CRYBG3: variants seen among roughly 807,000 people sequenced by gnomAD.
The protein encoded by CRYBG3 is crystallin beta-gamma domain containing 3, also known as very large A-kinase anchor protein.
In CRYBG3, 127 loss-of-function variants were observed where a neutral mutation model predicts 244.2. That is an observed-to-expected ratio of 0.52 (90% CI 0.45 to 0.60). CRYBG3 has a LOEUF of 0.60. CRYBG3 is among the 20% of genes least tolerant of loss of function. The pLI, the probability that CRYBG3 is intolerant of heterozygous loss-of-function variation, is 0.00. For missense variants in CRYBG3, 3,325 were observed against 3,442.5 expected, an observed-to-expected ratio of 0.97 and a Z score of 0.85; for synonymous variants, 1,132 against 1,195.8, an observed-to-expected ratio of 0.95 and a Z score of 1.10.
intron 1 of CRYBG3, among the ~76,000 whole-genome samples, chr3:97,830,851 A>G (rs945134886): frequency 3.3e-5 from 5 of 152,184 alleles, no homozygotes; most frequent in Admixed American, 1.3e-4. Flanking sequence ...TGAGAGGCTT[A>G]TATCTTAACG....
At position 97,941,200 on chromosome 3, in the gene CRYBG3, T is replaced by C. The variant is rs2040225153; in HGVS notation, c.8558T>C (p.Val2853Ala). Residue 2853 changes from valine to alanine, a missense_variant, in exon 20 of 22, where the codon GTC becomes GCC. Val to Ala is a moderately conservative substitution (Grantham distance 64). Coordinates refer to ENST00000389622, the MANE Select transcript of CRYBG3 (RefSeq NM_153605.4). ...CGTGCCCAGGGTGAATATCTGACAG[T>C]CACTGGAAGTCTAGCAGACACCAGG... is the stretch of plus-strand genomic sequence containing the variant. ...KNRAQGEYLT[V>A]TGSLADTRAT... 1 of 1,611,742 alleles carries C rather than the reference T, an allele frequency of 6.2e-7. No individual in the cohort carries two copies. The highest frequency in any genetic ancestry group is 1.1e-5 in the South Asian group (1 of 90,950).
chr3:97,918,424 TA>T lies in CRYBG3; in HGVS notation c.8241+2690del, dbSNP rs1235151144. 2.0e-5 allele frequency among the ~76,000 whole-genome samples: 3 copies of T among 152,184 alleles called. No homozygotes were observed. In the East Asian group the frequency reaches 5.8e-4, roughly 29 times the overall value. ...GTTCTGCTTCTAACGAATATGACCT[TA>T]AGCAAATCTCTTAATTTATCTGTAT... On this transcript the variant is annotated intron_variant, in intron 17 of 21. Coordinates refer to ENST00000389622, the MANE Select transcript of CRYBG3 (RefSeq NM_153605.4).
At chr3:97,936,266 C>A (rs908558780) in intron 18 of CRYBG3, among the ~76,000 whole-genome samples, 31 of 152,088 alleles carry the variant, frequency 2.0e-4, no homozygotes, top group Non-Finnish European at 3.7e-4. Context: ...GGAGGATTCT[C>A]AAAGGAGCTG....
rs183352651 is a variant in CRYBG3 at position 97,869,636 on chromosome 3, A to G, written c.648-2206A>G. Among the ~76,000 whole-genome samples, 9 of 152,304 alleles carry G rather than the reference A, an allele frequency of 5.9e-5. 1 individual carries two copies. The highest frequency in any genetic ancestry group is 2.2e-4 in the African/African-American group (9 of 41,582). ...ATGTCAAATAATGGTATCTTATCCA[A>G]GTTTTGACTTTGTTTCATAACAGTC... is the stretch of plus-strand genomic sequence containing the variant. On this transcript the variant is annotated intron_variant, in intron 3 of 21. Transcript: ENST00000389622.
intron 1 of CRYBG3, among the ~76,000 whole-genome samples, chr3:97,825,465 A>G (rs2038565798): frequency 6.6e-6 from 1 of 152,216 alleles, no homozygotes; most frequent in Admixed American, 6.5e-5. Context: ...GCAACGTATC[A>G]TGTAAATCTC....
chr3:97,861,303 C>T lies in CRYBG3; in HGVS notation c.217-2914C>T, dbSNP rs1037760166. Among the ~76,000 whole-genome samples, 10 of 152,150 alleles carry T rather than the reference C, an allele frequency of 6.6e-5. No individual in the cohort carries two copies. The East Asian group carries it at 1.9e-3, about 29-fold the overall frequency. ...GTTATCTTCTATGCAAAGAAGGTTT[C>T]TCTACATCCCCACTCGTTAATTATG... On this transcript the variant is annotated intron_variant, in intron 2 of 21. Coordinates refer to ENST00000389622, the MANE Select transcript of CRYBG3 (RefSeq NM_153605.4).
intron 1 of CRYBG3, among the ~76,000 whole-genome samples, chr3:97,823,011 C>T (rs1848035): frequency 0.46 from 69,685 of 152,072 alleles, 16,804 homozygotes; most frequent in East Asian, 0.67. Flanking sequence ...CTAGAAACAT[C>T]TGCCTCAAGT....
chr3:97,855,741 A>T (rs1171584804), intron 2 of CRYBG3, among the ~76,000 whole-genome samples: 1 of 152,148 alleles, frequency 6.6e-6, no homozygotes, highest in Non-Finnish European at 1.5e-5. Context: ...GTGATGCCCC[A>T]CAGGCTGCAA....
rs984963914 is a variant in CRYBG3 at position 97,871,955 on chromosome 3, T to G, written c.761T>G (p.Leu254Trp). 4 of 1,535,884 alleles carry G rather than the reference T, an allele frequency of 2.6e-6. No individual in the cohort carries two copies. The Admixed American group carries it at 7.8e-5, about 30-fold the overall frequency. The change falls in exon 4 of 22, where the codon TTG (leucine) becomes TGG (tryptophan). Residue 254 changes from leucine to tryptophan, a missense_variant. Transcript: ENST00000389622. ...ACAGGCTTGGCAACTGTGAATACCT[T>G]GGACAGAGAAAATGAAAGTTCTGAC... ...QQTGLATVNTLDRENESSDSS... is the reference protein window; with the variant it reads ...QQTGLATVNTWDRENESSDSS...
intron 19 of CRYBG3, among the ~76,000 whole-genome samples, chr3:97,937,777 CTATT>C (rs1275247918): frequency 3.9e-5 from 6 of 152,020 alleles, no homozygotes; most frequent in South Asian, 4.2e-4. Context: ...AGCTGAGGAA[CTATT>C]TATTTAATGA....
intron 1 of CRYBG3, among the ~76,000 whole-genome samples, chr3:97,840,128 G>A (rs534718620): frequency 1.3e-5 from 2 of 152,026 alleles, no homozygotes; most frequent in African/African-American, 4.8e-5. Flanking sequence ...AGTTGATTAG[G>A]GTGGGGAAGG....
chr3:97,883,305 G>T (rs947807228), intron 7 of CRYBG3, among the ~76,000 whole-genome samples: 1 of 152,142 alleles, frequency 6.6e-6, no homozygotes, highest in African/African-American at 2.4e-5. Context: ...CCATTTGAGT[G>T]CTCACTCTAT....
intron 1 of CRYBG3, among the ~76,000 whole-genome samples, chr3:97,823,321 A>T (rs1395045951): frequency 1.3e-5 from 2 of 152,218 alleles, no homozygotes; most frequent in African/African-American, 2.4e-5. Context: ...AACCGTGTTT[A>T]CTTCGGACTC....
At chr3:97,940,097 GAGA>G (rs2040209723) in intron 19 of CRYBG3, among the ~76,000 whole-genome samples, 1 of 152,024 alleles carries the variant, frequency 6.6e-6, no homozygotes. Flanking sequence ...GGATGGCAAT[GAGA>G]AGAACCAAAG....
chr3:97,899,663 C>A (rs753547385), intron 14 of CRYBG3, among the ~76,000 whole-genome samples: 1 of 152,122 alleles, frequency 6.6e-6, no homozygotes, highest in Non-Finnish European at 1.5e-5. Flanking sequence ...GGAAAAGGAA[C>A]AATCAGTGCC....
intron 19 of CRYBG3, among the ~76,000 whole-genome samples, chr3:97,938,004 A>G (rs1407648531): frequency 6.6e-6 from 1 of 152,060 alleles, no homozygotes; most frequent in Non-Finnish European, 1.5e-5. Context: ...AAGTATCAAC[A>G]TGTGTAGGAG....
intron 15 of CRYBG3, among the ~76,000 whole-genome samples, chr3:97,902,525 C>T (rs751136377): frequency 3.3e-5 from 5 of 150,806 alleles, no homozygotes; most frequent in South Asian, 2.1e-4. Flanking sequence ...ATGTACAGAA[C>T]GTGCAGGTTT....
At chr3:97,893,148 T>A (rs1197567323) in intron 11 of CRYBG3, among the ~76,000 whole-genome samples, 155 bp downstream of exon 11, 3 of 152,242 alleles carry the variant, frequency 2.0e-5, no homozygotes, top group Non-Finnish European at 4.4e-5. Flanking sequence ...ACTTATGGTT[T>A]TCTGTGGACT....
intron 1 of CRYBG3, among the ~76,000 whole-genome samples, chr3:97,834,854 C>T (rs2038709138): frequency 6.6e-6 from 1 of 152,058 alleles, no homozygotes; most frequent in East Asian, 1.9e-4. Context: ...ATCAACTATG[C>T]TACTTTGTAT....
Sources: gnomAD v4.1 joint callset for allele counts (sites outside exome capture counted in the v4.1 genomes callset) on GRCh38, gnomAD v4.1.1 for gene constraint, MANE v1.5 for transcripts, NCBI Gene and HGNC (gene_info 2026-07-23, HGNC 2026-07-21) for gene names.